SLC35A3: variants seen among roughly 807,000 people sequenced by gnomAD.
The protein encoded by SLC35A3 is UDP-N-acetylglucosamine transporter.
SLC35A3 carries 26 observed loss-of-function variants against 39.0 expected under a neutral mutation model. The observed-to-expected ratio is 0.67, with a 90% CI of 0.49 to 0.92. SLC35A3 has a LOEUF of 0.92. SLC35A3 is among the 40% of genes least tolerant of loss of function. SLC35A3 has a pLI of 0.00. For synonymous variants in SLC35A3, 135 were observed against 133.1 expected (o/e 1.01, Z -0.10); for missense variants, 299 against 371.6 (o/e 0.80, Z 1.61).
intron 4 of SLC35A3, 27 bp downstream of exon 4, chr1:100,007,183 T>A (rs768735026): frequency 1.3e-6 from 2 of 1,550,340 alleles, no homozygotes; most frequent in Non-Finnish European, 1.8e-6. Context: ...AGTATATATT[T>A]TTATCTTTAT....
Position 100,017,775 on chromosome 1 carries a change from T to C in SLC35A3, c.847T>C (p.Leu283=), listed in dbSNP as rs779241992. 5 of 1,573,824 alleles carry C rather than the reference T, an allele frequency of 3.2e-6. No individual in the cohort carries two copies. In the South Asian group the frequency reaches 6.0e-5, roughly 19 times the overall value. The change falls in exon 7 of 8, where the codon TTG becomes CTG. Residue 283 remains leucine, a synonymous_variant. Coordinates refer to ENST00000533028, the MANE Select transcript of SLC35A3 (RefSeq NM_012243.3). The stretch of plus-strand genomic sequence containing the variant: ...CTCTTTATCGATAATATTATCAACA[T>C]TGATCTCCTATTTTTGGCTTCAAGA... ...ATSLSIILST[L]ISYFWLQDFV...
chr1:99,985,477 T>C (rs960220171), intron 1 of SLC35A3, among the ~76,000 whole-genome samples: 1 of 152,210 alleles, frequency 6.6e-6, no homozygotes, highest in Non-Finnish European at 1.5e-5. Context: ...GGCCTTATAG[T>C]ATAGTTTGAA....
At chr1:100,010,359 G>A (rs767442137) in intron 4 of SLC35A3, among the ~76,000 whole-genome samples, 4 of 152,144 alleles carry the variant, frequency 2.6e-5, no homozygotes, top group East Asian at 3.9e-4. Flanking sequence ...GTCTTTGGTC[G>A]CTATGAAAAG....
At chr1:100,013,444 A>C (rs1557843044) in intron 5 of SLC35A3, among the ~76,000 whole-genome samples, 1 of 141,048 alleles carries the variant, frequency 7.1e-6, no homozygotes, top group Non-Finnish European at 1.5e-5. Flanking sequence ...AAAACTCTGT[A>C]CAAAAAAAAA....
At chr1:99,972,321 G>A (rs780686672) in intron 1 of SLC35A3, among the ~76,000 whole-genome samples, 8 of 147,286 alleles carry the variant, frequency 5.4e-5, no homozygotes, top group Non-Finnish European at 1.0e-4. Flanking sequence ...GAAAGCATTT[G>A]TACTTACTAC....
At chr1:99,978,173 G>A (rs1424325668) in intron 1 of SLC35A3, among the ~76,000 whole-genome samples, 1 of 152,132 alleles carries the variant, frequency 6.6e-6, no homozygotes, top group African/African-American at 2.4e-5. Flanking sequence ...GTGAAAATCT[G>A]TACTGTTTTG....
At chr1:100,010,840 GT>G (rs1557840993) in intron 4 of SLC35A3, among the ~76,000 whole-genome samples, 1 of 152,192 alleles carries the variant, frequency 6.6e-6, no homozygotes, top group Non-Finnish European at 1.5e-5. Context: ...TGATCCTGGA[GT>G]CCCTTCCAAC....
intron 2 of SLC35A3, among the ~76,000 whole-genome samples, chr1:99,995,621 G>T (rs933282568): frequency 6.6e-6 from 1 of 152,090 alleles, no homozygotes; most frequent in Non-Finnish European, 1.5e-5. Context: ...AAATAGATTT[G>T]GGGGGAAATT....
intron 1 of SLC35A3, among the ~76,000 whole-genome samples, chr1:99,980,524 T>G (rs1271624631): frequency 6.6e-6 from 1 of 152,222 alleles, no homozygotes; most frequent in African/African-American, 2.4e-5. Context: ...TTTGTATAGG[T>G]AAAGAAATAG....
chr1:100,016,518 C>A (rs1570624074), intron 6 of SLC35A3, among the ~76,000 whole-genome samples: 1 of 151,734 alleles, frequency 6.6e-6, no homozygotes, highest in Admixed American at 6.6e-5. Context: ...GGACTACAGG[C>A]GCCCGCCACC....
rs1335851902 is a variant in SLC35A3, at chr1:100,015,197, C to T, written c.635-105C>T. 1.0e-5 allele frequency: 8 copies of T among 774,640 alleles called. No homozygotes were observed. In the Admixed American group the frequency reaches 1.6e-4, roughly 15 times the overall value. The allele number at this position is 774,640 out of a possible 1,614,324, so 48.0% of individuals were successfully genotyped here. ...AAAAAAGAAAGTAATCTAATTTTAT[C>T]AAAAAGAAAAAGTTAAGTGTAAAAT... is the stretch of plus-strand genomic sequence containing the variant. On this transcript the variant is annotated intron_variant, in intron 5 of 7. Coordinates refer to ENST00000533028, the MANE Select transcript of SLC35A3 (RefSeq NM_012243.3).
intron 2 of SLC35A3, among the ~76,000 whole-genome samples, chr1:99,997,130 C>A (rs1268406858): frequency 6.6e-6 from 1 of 151,678 alleles, no homozygotes; most frequent in Non-Finnish European, 1.5e-5. Flanking sequence ...ACTTTCAATC[C>A]CTTTCTCCCT....
chr1:100,018,505 TTTTA>T (rs754950575), intron 7 of SLC35A3, among the ~76,000 whole-genome samples: 13 of 152,176 alleles, frequency 8.5e-5, no homozygotes, highest in Non-Finnish European at 1.3e-4. Context: ...CCCAAGAATC[TTTTA>T]TTTATTTATT....
At chr1:99,970,559 GC>G in intron 1 of SLC35A3, 1 of 1,536,022 alleles carries the variant, frequency 6.5e-7, no homozygotes, top group East Asian at 2.4e-5. Context: ...TCGGTGTTGA[GC>G]CCTGTGGTAG....
chr1:100,004,355 AGTGCAGGGGCACAGTCTTGG>A (rs1253585458), intron 3 of SLC35A3, among the ~76,000 whole-genome samples: 3 of 152,186 alleles, frequency 2.0e-5, no homozygotes, highest in African/African-American at 4.8e-5. Flanking sequence ...CCCAGGCTGG[AGTGCAGGGGCACAGTCTTGG>A]TTCACTGCAA....
At chr1:99,980,445 C>T (rs1657391515) in intron 1 of SLC35A3, among the ~76,000 whole-genome samples, 2 of 152,140 alleles carry the variant, frequency 1.3e-5, no homozygotes, top group Non-Finnish European at 2.9e-5. Context: ...CAATGCATTT[C>T]TGTAAACAGT....
At chr1:99,985,222 G>C (rs1657680580) in intron 1 of SLC35A3, among the ~76,000 whole-genome samples, 1 of 152,072 alleles carries the variant, frequency 6.6e-6, no homozygotes, top group African/African-American at 2.4e-5. Context: ...TTAAGTCCTT[G>C]ATCCACCTTG....
chr1:99,985,316 A>C (rs1397209526), intron 1 of SLC35A3, among the ~76,000 whole-genome samples: 1 of 152,124 alleles, frequency 6.6e-6, no homozygotes, highest in Admixed American at 6.6e-5. Flanking sequence ...CGTTTGTTGA[A>C]TAGGGTGTCC....
chr1:100,025,228 G>C lies in SLC35A3; in HGVS notation c.*2752G>C, dbSNP rs1160545326. The C allele has an allele frequency of 6.6e-6, 1 of 152,242 alleles. No individual in the cohort carries two copies. Among genetic ancestry groups the C allele is most frequent in the African/African-American group, 2.4e-5 (1 of 41,456 alleles). The allele number at this position is 152,242 out of a possible 1,614,324, so 9.4% of individuals were successfully genotyped here. ...AAAATCTAAATCCTGCAAATGCACA[G>C]AATTCAAGCTGAAATATAATGATTT... On this transcript the variant is annotated 3_prime_UTR_variant, in exon 8 of 8. Coordinates refer to ENST00000533028, the MANE Select transcript of SLC35A3 (RefSeq NM_012243.3).
Sources: gnomAD v4.1 joint callset for allele counts (sites outside exome capture counted in the v4.1 genomes callset) on GRCh38, gnomAD v4.1.1 for gene constraint, MANE v1.5 for transcripts, NCBI Gene and HGNC (gene_info 2026-07-23, HGNC 2026-07-21) for gene names.